MAPKAPK2: variants seen among roughly 807,000 people sequenced by gnomAD.
The protein encoded by MAPKAPK2 is MAP kinase-activated protein kinase 2.
In MAPKAPK2, 9 loss-of-function variants were observed where a neutral mutation model predicts 48.8. The observed-to-expected ratio is 0.18, with a 90% CI of 0.11 to 0.32. The LOEUF (loss-of-function observed/expected upper bound fraction) is 0.32, where lower values mean the gene tolerates loss of function less well. MAPKAPK2 is among the 10% of genes least tolerant of loss of function. MAPKAPK2 has a pLI of 1.00. For synonymous variants in MAPKAPK2, 202 were observed against 190.6 expected (o/e 1.06, Z -0.49); for missense variants, 331 against 498.3 (o/e 0.66, Z 3.20).
intron 1 of MAPKAPK2, among the ~76,000 whole-genome samples, chr1:206,716,633 G>T (rs1553430437): frequency 6.6e-6 from 1 of 152,104 alleles, no homozygotes; most frequent in East Asian, 1.9e-4. Context: ...GGGTGATGAA[G>T]GTGAGATTGC....
At position 206,685,280 on chromosome 1, in the gene MAPKAPK2, G is replaced by A; in HGVS notation, c.51G>A (p.Pro17=). 9.5e-6 allele frequency: 2 copies of A among 209,896 alleles called. No homozygotes were observed. Among genetic ancestry groups the A allele is most frequent in the Non-Finnish European group, 1.8e-5 (2 of 109,850 alleles). 13.0% of individuals were successfully genotyped at this position (209,896 alleles called of 1,614,324 possible). A position where few individuals can be genotyped will look rare whatever the true frequency, so the allele number is the denominator to read the frequency against. ...GQSPPVPFPA[P]APPPQPPTPA... Reference sequence around the variant, plus strand: ...GCCCGCCGGTGCCGTTCCCCGCCCCGGCCCCGCCGCCGCAGCCCCCCACCC... The same window carrying A: ...GCCCGCCGGTGCCGTTCCCCGCCCCAGCCCCGCCGCCGCAGCCCCCCACCC... Residue 17 remains proline, a synonymous_variant, in exon 1 of 10, where the codon CCG becomes CCA. Transcript: ENST00000367103.
At chr1:206,730,323 G>C (rs934902906) in intron 5 of MAPKAPK2, among the ~76,000 whole-genome samples, 2 of 152,212 alleles carry the variant, frequency 1.3e-5, no homozygotes, top group African/African-American at 2.4e-5. Flanking sequence ...GAAGAGCCAT[G>C]GTTTCCATCA....
intron 1 of MAPKAPK2, among the ~76,000 whole-genome samples, chr1:206,723,694 A>G (rs1346384734): frequency 2.0e-5 from 3 of 152,234 alleles, no homozygotes; most frequent in Non-Finnish European, 4.4e-5. Context: ...TGGCTCCACA[A>G]TGGCAGACTT....
intron 1 of MAPKAPK2, among the ~76,000 whole-genome samples, chr1:206,718,697 G>C (rs1188873134): frequency 2.0e-5 from 3 of 152,126 alleles, no homozygotes; most frequent in Non-Finnish European, 4.4e-5. Flanking sequence ...CCATTGTATG[G>C]ATTTGCTGTC....
At chr1:206,697,781 A>T (rs1553427266) in intron 1 of MAPKAPK2, among the ~76,000 whole-genome samples, 1 of 152,256 alleles carries the variant, frequency 6.6e-6, no homozygotes, top group African/African-American at 2.4e-5. Flanking sequence ...TTTGAACCTC[A>T]TGGGGCTGCT....
Position 206,729,380 on chromosome 1 carries a change from TCCCTC to T in MAPKAPK2, c.485-10_485-6del. The T allele has an allele frequency of 6.2e-7, 1 of 1,604,542 alleles. No homozygotes were observed. The highest frequency in any genetic ancestry group is 2.2e-5 in the East Asian group (1 of 44,830). On this transcript the variant is annotated splice_polypyrimidine_tract_variant and intron_variant, in intron 3 of 9. Transcript: ENST00000367103. ...TGTGACTTTCTTTCCCACTCACTCT[TCCCTC>T]CCCTCTACAGAAGCATCCGAAATCA... is the stretch of plus-strand genomic sequence containing the variant.
intron 1 of MAPKAPK2, among the ~76,000 whole-genome samples, chr1:206,688,566 C>G (rs1672355533): frequency 6.6e-6 from 1 of 152,176 alleles, no homozygotes; most frequent in African/African-American, 2.4e-5. Context: ...CACTCCCTCC[C>G]CCTTTTAAGA....
At position 206,720,077 on chromosome 1, in the gene MAPKAPK2, G is replaced by T. The variant is rs149582377; in HGVS notation, c.280-8633G>T. ...TGTTAGGATGGGATCAAGTGCTCATGTGTCTCCTCCTGTGTCCCTCTCTGG... is the reference window on the plus strand; with the variant it reads ...TGTTAGGATGGGATCAAGTGCTCATTTGTCTCCTCCTGTGTCCCTCTCTGG... On this transcript the variant is annotated intron_variant, in intron 1 of 9. Transcript: ENST00000367103. 1.1e-4 allele frequency among the ~76,000 whole-genome samples: 16 copies of T among 152,310 alleles called. 1 individual carries two copies. Among genetic ancestry groups the T allele is most frequent in the Non-Finnish European group, 1.8e-4 (12 of 68,030 alleles).
At position 206,694,414 on chromosome 1, in the gene MAPKAPK2, T is replaced by A. The variant is rs564662362; in HGVS notation, c.279+8906T>A. 6.6e-5 allele frequency among the ~76,000 whole-genome samples: 10 copies of A among 152,340 alleles called. No homozygotes were observed. In the South Asian group the frequency reaches 1.9e-3, roughly 28 times the overall value. On this transcript the variant is annotated intron_variant, in intron 1 of 9. Transcript: ENST00000367103. The stretch of plus-strand genomic sequence containing the variant: ...GAAAGATTTATCTGCCAAGGCCCAT[T>A]GGCCTGTGCAGAGGAAGAGTTGGGC...
In MAPKAPK2 at chr1:206,704,890, G is replaced by A. The variant is rs1171790079; in HGVS notation, c.279+19382G>A. On this transcript the variant is annotated intron_variant, in intron 1 of 9. Coordinates refer to ENST00000367103, the MANE Select transcript of MAPKAPK2 (RefSeq NM_032960.4). This position sits in a 1 kb window ranked among gnomAD's most constrained non-coding sequence, Gnocchi z 4.3. ...CTGGGTGAACTTGGAAGAAGGAGCC[G>A]CCCGTTTCTCCAAGTGCAGCGCCAG... Among the ~76,000 whole-genome samples the A allele has an allele frequency of 3.3e-5, 5 of 152,244 alleles. No individual in the cohort carries two copies. The highest frequency in any genetic ancestry group is 7.2e-5 in the African/African-American group (3 of 41,536).
At position 206,731,739 on chromosome 1, in the gene MAPKAPK2, G is replaced by T. The variant is rs1232401795; in HGVS notation, c.978+14G>T. ...CCTTGGATCATGGTAAGCTCGGCAG[G>T]CTGGGGAGCCTTGGGTCTCACGGGA... On this transcript the variant is annotated intron_variant, in intron 8 of 9. Coordinates refer to ENST00000367103, the MANE Select transcript of MAPKAPK2 (RefSeq NM_032960.4). This position sits in a 1 kb window ranked among gnomAD's most constrained non-coding sequence, Gnocchi z 5.9. The T allele has an allele frequency of 5.0e-6, 8 of 1,613,478 alleles. No homozygotes were observed. In the African/African-American group the frequency reaches 9.3e-5, roughly 19 times the overall value.
At chr1:206,694,215 T>A (rs948717961) in intron 1 of MAPKAPK2, among the ~76,000 whole-genome samples, 2 of 152,224 alleles carry the variant, frequency 1.3e-5, no homozygotes, top group Non-Finnish European at 2.9e-5. Flanking sequence ...ATGTCTGCTT[T>A]CAGGAATTAT....
At chr1:206,689,804 C>T (rs1672398336) in intron 1 of MAPKAPK2, among the ~76,000 whole-genome samples, 1 of 152,222 alleles carries the variant, frequency 6.6e-6, no homozygotes, top group Non-Finnish European at 1.5e-5. Flanking sequence ...TTCAAGTGTT[C>T]AGTAAACATG....
Position 206,730,773 on chromosome 1 carries a change from C to T in MAPKAPK2, c.767+10C>T. 1.7e-6 allele frequency: 1 copy of T among 596,342 alleles called. No individual in the cohort carries two copies. Among genetic ancestry groups the T allele is most frequent in the Non-Finnish European group, 3.1e-6 (1 of 320,340 alleles). The allele number at this position is 596,342 out of a possible 1,614,324, so 36.9% of individuals were successfully genotyped here. On this transcript the variant is annotated intron_variant, in intron 6 of 9. Transcript: ENST00000367103. ...TCATCATGTACATCCTGTGAGTGTG[C>T]TGGGGAGGGGGCTGGGTGGGGCAGG... is the stretch of plus-strand genomic sequence containing the variant.
intron 1 of MAPKAPK2, among the ~76,000 whole-genome samples, chr1:206,699,958 T>TTCTCTCTCTCTC (rs59368306): frequency 6.7e-6 from 1 of 150,226 alleles, no homozygotes; most frequent in Non-Finnish European, 1.5e-5. Flanking sequence ...TTTCGTTTCT[T>TTCTCTCTCTCTC]TCTCTCTCTC....
At chr1:206,713,361 G>A (rs1553429831) in intron 1 of MAPKAPK2, among the ~76,000 whole-genome samples, 1 of 152,188 alleles carries the variant, frequency 6.6e-6, no homozygotes, top group African/African-American at 2.4e-5. Context: ...GAAGTGCATT[G>A]TAGCTTCAAT....
In MAPKAPK2 at chr1:206,684,954, C is replaced by T. The variant is rs1459796175; in HGVS notation, c.-276C>T. 1.3e-5 allele frequency: 2 copies of T among 149,476 alleles called. No homozygotes were observed. The highest frequency in any genetic ancestry group is 6.7e-5 in the Admixed American group (1 of 15,002). The allele number at this position is 149,476 out of a possible 1,614,324, so 9.3% of individuals were successfully genotyped here. On this transcript the variant is annotated 5_prime_UTR_variant, in exon 1 of 10. Transcript: ENST00000367103. ...TGGGTACATTGTCGCGCGGCCGCTTCCCCCCGGCCGGGCCCCCGCCGCCCC... is the reference window on the plus strand; with the variant it reads ...TGGGTACATTGTCGCGCGGCCGCTTTCCCCCGGCCGGGCCCCCGCCGCCCC...
At chr1:206,708,682 A>C (rs1553428995) in intron 1 of MAPKAPK2, among the ~76,000 whole-genome samples, 1 of 152,226 alleles carries the variant, frequency 6.6e-6, no homozygotes, top group African/African-American at 2.4e-5. Flanking sequence ...AAGCTTTGAT[A>C]AATGCCTCTA....
intron 1 of MAPKAPK2, among the ~76,000 whole-genome samples, chr1:206,690,655 G>A (rs1672429564): frequency 6.6e-6 from 1 of 152,214 alleles, no homozygotes; most frequent in South Asian, 2.1e-4. Flanking sequence ...ACTGCTGGAG[G>A]CAAACTTAAT....
Sources: gnomAD v4.1 joint callset for allele counts (sites outside exome capture counted in the v4.1 genomes callset) on GRCh38, gnomAD v4.1.1 for gene constraint, Gnocchi (gnomAD v3.1) non-coding constraint, MANE v1.5 for transcripts, NCBI Gene and HGNC (gene_info 2026-07-23, HGNC 2026-07-21) for gene names.